RNF135: variants seen among roughly 807,000 people sequenced by gnomAD.
RNF135 encodes the protein E3 ubiquitin-protein ligase RNF135.
A neutral mutation model predicts 41.9 loss-of-function variants in RNF135; 46 were observed. That is an observed-to-expected ratio of 1.10 (90% CI 0.87 to 1.40). The LOEUF (loss-of-function observed/expected upper bound fraction) is 1.40. Ranked by LOEUF, RNF135 falls within the 40% of genes most tolerant of loss-of-function variation. The pLI, the probability that RNF135 is intolerant of heterozygous loss-of-function variation, is 0.00. For missense variants in RNF135, 539 were observed against 549.8 expected, an observed-to-expected ratio of 0.98 and a Z score of 0.20; for synonymous variants, 238 against 223.8, an observed-to-expected ratio of 1.06 and a Z score of -0.57.
intron 3 of RNF135, chr17:30,993,766 CTTTCTT>C (rs1908148362): frequency 3.1e-6 from 3 of 956,682 alleles, no homozygotes; most frequent in South Asian, 1.6e-5. Flanking sequence ...AATTTTTTTC[CTTTCTT>C]TTTCTTTTGT....
chr17:30,979,579 A>G (rs1598084893), intron 1 of RNF135, among the ~76,000 whole-genome samples: 4 of 72,868 alleles, frequency 5.5e-5, no homozygotes, highest in African/African-American at 1.1e-4. Context: ...GGCCCGGCAG[A>G]GGGGCTCCTC....
chr17:30,963,367 C>T, the RNF135 span, among the ~76,000 whole-genome samples: 38 of 151,778 alleles, frequency 2.5e-4, no homozygotes, highest in Middle Eastern at 3.4e-3. Flanking sequence ...CAGATCACGA[C>T]GTCAGGAGAT....
At chr17:30,970,469 A>G (rs1490423715), upstream of RNF135, 1 of 153,146 alleles carries the variant, frequency 6.5e-6, no homozygotes, top group East Asian at 1.9e-4. Context: ...GCGCGTCAGA[A>G]TCACCTGGGG....
intron 3 of RNF135, among the ~76,000 whole-genome samples, chr17:30,991,217 G>T (rs1907964113): frequency 6.6e-6 from 1 of 151,700 alleles, no homozygotes; most frequent in South Asian, 2.1e-4. Flanking sequence ...TGTGAAATTA[G>T]CCAGTCTTGG....
In RNF135 at chr17:30,971,218, T is replaced by G; in HGVS notation, c.145T>G (p.Trp49Gly). The change falls in exon 1 of 5, where the codon TGG becomes GGG. Residue 49 changes from tryptophan to glycine, a missense_variant. This residue lies in a region of RNF135 where 277 missense variants were observed against 212.8 expected (regional missense o/e 1.30). Transcript: ENST00000328381. ...SFCRHCLEAL[W>G]GARDARRWAC... The stretch of plus-strand genomic sequence containing the variant: ...CTGCCGCCACTGCCTGGAGGCCCTG[T>G]GGGGCGCCCGCGACGCCCGCCGCTG... 1 of 1,514,020 alleles carries G rather than the reference T, an allele frequency of 6.6e-7. No homozygotes were observed. The highest frequency in any genetic ancestry group is 1.4e-5 in the African/African-American group (1 of 69,452). 93.8% of individuals were successfully genotyped at this position (1,514,020 alleles called of 1,614,324 possible).
chr17:30,985,684 G>A (rs1197228443), intron 2 of RNF135, among the ~76,000 whole-genome samples: 1 of 151,882 alleles, frequency 6.6e-6, no homozygotes, highest in Non-Finnish European at 1.5e-5. Flanking sequence ...TTTCCTCATG[G>A]TCATCACAGT....
chr17:30,966,411 TTTA>T (rs1337349975), upstream of RNF135, among the ~76,000 whole-genome samples: 1 of 130,380 alleles, frequency 7.7e-6, no homozygotes, highest in Non-Finnish European at 1.5e-5. Context: ...TTTATTTTAT[TTTA>T]TTTTTTTATT....
intron 4 of RNF135, among the ~76,000 whole-genome samples, 153 bp from the exon 5 acceptor site, chr17:30,998,509 C>A (rs763949846): frequency 6.6e-6 from 1 of 152,162 alleles, no homozygotes; most frequent in African/African-American, 2.4e-5. Context: ...AAACATTTAT[C>A]ATTTCTTCCT....
rs34745425 is a variant in RNF135, at chr17:30,993,820, A to C, written c.680-3422A>C. 1.6e-5 allele frequency: 14 copies of C among 901,750 alleles called. No individual in the cohort carries two copies. The South Asian group carries it at 2.2e-4, about 14-fold the overall frequency. 55.9% of individuals were successfully genotyped at this position (901,750 alleles called of 1,614,324 possible). On this transcript the variant is annotated intron_variant, in intron 3 of 4. Transcript: ENST00000328381. Reference sequence around the variant, plus strand: ...TTCTGCTGAATTAATTAATTAATTAATTTTTTTATTTTGACACAGGTTCTC... The same window carrying C: ...TTCTGCTGAATTAATTAATTAATTACTTTTTTTATTTTGACACAGGTTCTC...
At chr17:30,961,276 C>T in the RNF135 span, among the ~76,000 whole-genome samples, 1 of 152,124 alleles carries the variant, frequency 6.6e-6, no homozygotes. Context: ...GGTAGGTAGT[C>T]AAGGAAGTAA....
Position 30,971,384 on chromosome 17 carries a change from C to G in RNF135, c.311C>G (p.Pro104Arg). ...TCCGACCCTGCCCACTGCCCCTGCC[C>G]GGGCTCCAGTTCCCTCTCCAGCGCG... is the stretch of plus-strand genomic sequence containing the variant. ...AGSDPAHCPC[P>R]GSSSLSSAAA... Residue 104 changes from proline to arginine, a missense_variant, in exon 1 of 5, where the codon CCG becomes CGG. Physicochemically the swap from Pro to Arg is moderately radical, Grantham distance 103. Transcript: ENST00000328381. 2 of 1,526,290 alleles carry G rather than the reference C, an allele frequency of 1.3e-6. No homozygotes were observed. The highest frequency in any genetic ancestry group is 1.4e-5 in the African/African-American group (1 of 70,348). The allele number at this position is 1,526,290 out of a possible 1,614,324, so 94.5% of individuals were successfully genotyped here. A position where few individuals can be genotyped will look rare whatever the true frequency, so the allele number is the denominator to read the frequency against.
At chr17:30,963,913 G>C in the RNF135 span, among the ~76,000 whole-genome samples, 1 of 152,154 alleles carries the variant, frequency 6.6e-6, no homozygotes, top group Non-Finnish European at 1.5e-5. Flanking sequence ...CCAGGAGTTT[G>C]AGACCAGCCT....
chr17:30,980,647 G>A (rs1353069498), intron 1 of RNF135, among the ~76,000 whole-genome samples: 2 of 136,590 alleles, frequency 1.5e-5, no homozygotes, highest in Non-Finnish European at 3.2e-5. Context: ...CTTCTCAGAC[G>A]GAGCGGCCGG....
upstream of RNF135, chr17:30,970,328 T>C (rs1404495080): frequency 6.6e-6 from 1 of 152,246 alleles, no homozygotes; most frequent in Non-Finnish European, 1.5e-5. Context: ...GAAAACACTT[T>C]CTAGAATTTT....
the RNF135 span, chr17:30,965,039 A>G: frequency 1.3e-5 from 2 of 152,070 alleles, no homozygotes; most frequent in Non-Finnish European, 2.9e-5. Flanking sequence ...GATGGGTGTT[A>G]ACACATGTAC....
intron 3 of RNF135, among the ~76,000 whole-genome samples, chr17:30,991,479 C>G (rs558420373): frequency 1.3e-5 from 2 of 150,856 alleles, no homozygotes; most frequent in African/African-American, 2.4e-5. Context: ...TGCAGTGGCC[C>G]GATCTCGGCA....
rs779545112 is a variant in RNF135, at chr17:30,988,149, T to G, written c.679+43T>G. ...ATTGGAGGAGGATTAAATATGGAAGTTGGGGGGAGTAGCAGAGTGCTCTAT... is the reference window on the plus strand; with the variant it reads ...ATTGGAGGAGGATTAAATATGGAAGGTGGGGGGAGTAGCAGAGTGCTCTAT... On this transcript the variant is annotated intron_variant, in intron 3 of 4. Transcript: ENST00000328381. 82 of 1,589,824 alleles carry G rather than the reference T, an allele frequency of 5.2e-5. 1 individual carries two copies. The highest frequency in any genetic ancestry group is 3.3e-4 in the Middle Eastern group (2 of 6,018).
chr17:30,968,575 A>G (rs2142640459), upstream of RNF135, among the ~76,000 whole-genome samples: 2 of 151,734 alleles, frequency 1.3e-5, 1 homozygote, highest in South Asian at 4.2e-4. Context: ...TTTTTAGTAG[A>G]GACGGGGTTT....
In RNF135 at chr17:30,978,443, CTGTG is replaced by C. The variant is rs368674333; in HGVS notation, c.373-6172_373-6169del. On this transcript the variant is annotated intron_variant, in intron 1 of 4. Coordinates refer to ENST00000328381, the MANE Select transcript of RNF135 (RefSeq NM_032322.4). ...CTCTTTTTTCTTTTGTCTCTTCTTA[CTGTG>C]TATTTTCAAATAGGCTGAATTCAGG... Among the ~76,000 whole-genome samples, 72 of 152,082 alleles carry C rather than the reference CTGTG, an allele frequency of 4.7e-4. No homozygotes were observed. The East Asian group carries it at 7.7e-3, about 16-fold the overall frequency.
Sources: allele counts gnomAD v4.1 joint callset (sites outside exome capture counted in the v4.1 genomes callset), GRCh38; gene constraint gnomAD v4.1.1; regional missense constraint gnomAD v4.1.1; transcripts MANE v1.5; gene names NCBI Gene and HGNC (gene_info 2026-07-23, HGNC 2026-07-21).